The following ASIC2 variants were observed in gnomAD, a reference collection of about 807,000 sequenced individuals.
ASIC2 encodes acid-sensing ion channel 2.
ASIC2 carries 25 observed loss-of-function variants against 57.3 expected under a neutral mutation model. The ratio of observed to expected loss-of-function variants is 0.44; its 90% CI spans 0.32 to 0.61. The LOEUF (loss-of-function observed/expected upper bound fraction) is 0.61, where lower values mean the gene tolerates loss of function less well. Among genes scored for constraint, ASIC2 ranks in the 20% least tolerant of loss-of-function variants. The pLI is 0.06. For synonymous variants in ASIC2, 319 were observed against 307.5 expected, an observed-to-expected ratio of 1.04 and a Z score of -0.39; for missense variants, 641 against 738.1, an observed-to-expected ratio of 0.87 and a Z score of 1.52.
chr17:33,666,626 CG>C (rs1159088270), intron 1 of ASIC2, among the ~76,000 whole-genome samples: 2 of 152,146 alleles, frequency 1.3e-5, no homozygotes, highest in Non-Finnish European at 2.9e-5. Context: ...GAGAGCTGCT[CG>C]GAGGGTCCCT....
intron 1 of ASIC2, among the ~76,000 whole-genome samples, chr17:33,463,068 C>A (rs1411861787): frequency 6.6e-6 from 1 of 152,194 alleles, no homozygotes; most frequent in Non-Finnish European, 1.5e-5. Flanking sequence ...CTGAGATTTT[C>A]TAAGACGCAG....
At chr17:33,201,715 C>G (rs910350538) in intron 1 of ASIC2, among the ~76,000 whole-genome samples, 4 of 152,142 alleles carry the variant, frequency 2.6e-5, no homozygotes, top group Non-Finnish European at 5.9e-5. Context: ...TGCTGCTGCT[C>G]TATGTGGCCA....
chr17:33,628,103 T>C (rs748743817), intron 1 of ASIC2, among the ~76,000 whole-genome samples: 8 of 152,120 alleles, frequency 5.3e-5, no homozygotes, highest in Admixed American at 6.5e-5. Context: ...ACAACCCTGA[T>C]TGGACCTCAA....
chr17:33,932,744 AT>A (rs1915969706), intron 1 of ASIC2: 7 of 108,424 alleles, frequency 6.5e-5, no homozygotes, highest in African/African-American at 1.1e-4. Context: ...AAAAAAAAAT[AT>A]ATATATATAT....
chr17:33,604,740 A>T (rs957733093), intron 1 of ASIC2, among the ~76,000 whole-genome samples: 5 of 152,020 alleles, frequency 3.3e-5, no homozygotes, highest in Non-Finnish European at 4.4e-5. Flanking sequence ...GAGAGGATGG[A>T]GGGGTCTCAG....
chr17:33,245,798 A>G (rs1567797220), intron 1 of ASIC2, among the ~76,000 whole-genome samples: 1 of 152,230 alleles, frequency 6.6e-6, no homozygotes, highest in African/African-American at 2.4e-5. Flanking sequence ...AGATGAGGCC[A>G]TAGGCTAAGG....
intron 1 of ASIC2, among the ~76,000 whole-genome samples, chr17:33,490,330 C>T (rs779149432): frequency 6.6e-6 from 1 of 152,062 alleles, no homozygotes; most frequent in East Asian, 1.9e-4. Flanking sequence ...TACATGATAC[C>T]CCGTTAGGTG....
intron 1 of ASIC2, among the ~76,000 whole-genome samples, chr17:34,012,231 AC>A (rs1354839522): frequency 6.6e-6 from 1 of 151,728 alleles, no homozygotes; most frequent in Non-Finnish European, 1.5e-5. Context: ...CCATGACCCA[AC>A]CCACAGAAAT....
chr17:33,387,136 C>T (rs546633406), intron 1 of ASIC2, among the ~76,000 whole-genome samples: 27 of 152,282 alleles, frequency 1.8e-4, no homozygotes, highest in African/African-American at 6.3e-4. Context: ...GATCCATCTG[C>T]CTCAGCCTCC....
At chr17:33,633,977 A>G (rs1906262296) in intron 1 of ASIC2, among the ~76,000 whole-genome samples, 1 of 152,148 alleles carries the variant, frequency 6.6e-6, no homozygotes, top group African/African-American at 2.4e-5. Context: ...TCTGTGTCCC[A>G]GGATCCTGCC....
intron 1 of ASIC2, among the ~76,000 whole-genome samples, chr17:33,450,726 C>G (rs1912215290): frequency 6.6e-6 from 1 of 152,156 alleles, no homozygotes; most frequent in African/African-American, 2.4e-5. Context: ...GCCTCCATGA[C>G]TTTGTCTTCC....
intron 2 of ASIC2, among the ~76,000 whole-genome samples, chr17:33,095,043 G>T (rs1034801944): frequency 2.0e-5 from 3 of 152,142 alleles, no homozygotes; most frequent in Non-Finnish European, 4.4e-5. Flanking sequence ...CATAAAAATG[G>T]ATTGTTCTTC....
rs375492842 is a variant in ASIC2, at chr17:33,985,293, C to T, written c.555+170685G>A. On this transcript the variant is annotated intron_variant, in intron 1 of 9. Transcript: ENST00000359872. ...AAATTATGCCCACCCCAACCTCCCC[C>T]CACTCACACATACGACTTCTTTAGA... 5.3e-5 allele frequency among the ~76,000 whole-genome samples: 8 copies of T among 152,296 alleles called. No individual in the cohort carries two copies. In the East Asian group the frequency reaches 1.4e-3, roughly 26 times the overall value.
chr17:33,712,975 T>G (rs1909100323), intron 1 of ASIC2, among the ~76,000 whole-genome samples: 2 of 152,192 alleles, frequency 1.3e-5, no homozygotes, highest in African/African-American at 4.8e-5. Context: ...ATTCAGATCC[T>G]TGTCTGAAGA....
rs182410823 is a variant in ASIC2, at chr17:33,418,620, T to A, written c.556-306553A>T. On this transcript the variant is annotated intron_variant, in intron 1 of 9. Transcript: ENST00000359872. The stretch of plus-strand genomic sequence containing the variant: ...AGTTTTCCCAACACCATTTATTAAA[T>A]AGGGAATCCTTTCCCCATTGCTTAT... Among the ~76,000 whole-genome samples the A allele has an allele frequency of 4.8e-3, 733 of 152,338 alleles. 5 individuals are homozygous for A. Among genetic ancestry groups the A allele is most frequent in the African/African-American group, 0.017 (695 of 41,582 alleles).
intron 1 of ASIC2, among the ~76,000 whole-genome samples, chr17:33,971,092 G>T (rs12603414): frequency 6.6e-6 from 1 of 151,590 alleles, no homozygotes; most frequent in Non-Finnish European, 1.5e-5. Flanking sequence ...TGTGCAATGC[G>T]CACACCACTC....
intron 1 of ASIC2, among the ~76,000 whole-genome samples, chr17:34,124,424 T>G (rs1275928174): frequency 1.3e-5 from 2 of 152,274 alleles, no homozygotes; most frequent in East Asian, 3.9e-4. Flanking sequence ...GGGAGATCAC[T>G]CTAAAACACA....
chr17:33,252,002 T>C (rs1236054783), intron 1 of ASIC2, among the ~76,000 whole-genome samples: 1 of 152,186 alleles, frequency 6.6e-6, no homozygotes, highest in African/African-American at 2.4e-5. Context: ...GGCCAGGTAC[T>C]ATCATGTCCG....
At chr17:33,300,512 T>A (rs142647119) in intron 1 of ASIC2, among the ~76,000 whole-genome samples, 111 of 152,366 alleles carry the variant, frequency 7.3e-4, no homozygotes, top group African/African-American at 2.5e-3. Flanking sequence ...GATACCCTAA[T>A]GGATGAAAGC....
Sources: allele counts gnomAD v4.1 joint callset (sites outside exome capture counted in the v4.1 genomes callset), GRCh38; gene constraint gnomAD v4.1.1; transcripts MANE v1.5; gene names NCBI Gene and HGNC (gene_info 2026-07-23, HGNC 2026-07-21).